LARP1B: variants seen among roughly 807,000 people sequenced by gnomAD.
LARP1B encodes La ribonucleoprotein 1B.
A neutral mutation model predicts 114.2 loss-of-function variants in LARP1B; 76 were observed. The ratio of observed to expected loss-of-function variants is 0.67; its 90% CI spans 0.55 to 0.81. LARP1B has a LOEUF of 0.81. LARP1B is among the 30% of genes least tolerant of loss of function. LARP1B has a pLI of 0.00. For synonymous variants in LARP1B, 345 were observed against 348.0 expected (o/e 0.99, Z 0.10); for missense variants, 1,014 against 1,075.8 (o/e 0.94, Z 0.80).
intron 11 of LARP1B, among the ~76,000 whole-genome samples, chr4:128,156,863 T>TAAAAAAA (rs56753518): frequency 6.2e-5 from 5 of 80,760 alleles, no homozygotes; most frequent in East Asian, 3.4e-4. Flanking sequence ...GGCTTGAAGC[T>TAAAAAAA]AAAAAAAAAA....
chr4:128,164,197 T>C (rs183974810), intron 12 of LARP1B, among the ~76,000 whole-genome samples: 1 of 152,160 alleles, frequency 6.6e-6, no homozygotes, highest in Non-Finnish European at 1.5e-5. Flanking sequence ...AACAATAACA[T>C]TAAATAATAA....
chr4:128,179,206 C>A, intron 14 of LARP1B, 200 bp from the exon 15 acceptor site: 1 of 406,238 alleles, frequency 2.5e-6, no homozygotes, highest in Non-Finnish European at 4.3e-6. Context: ...CTTTGTGTCA[C>A]AAACCTACCA....
At chr4:128,163,886 C>T (rs1399221721) in intron 12 of LARP1B, among the ~76,000 whole-genome samples, 1 of 152,036 alleles carries the variant, frequency 6.6e-6, no homozygotes, top group African/African-American at 2.4e-5. Flanking sequence ...TAATGTTTCC[C>T]ACCCCACAGA....
At chr4:128,213,134 T>C (rs988398413), downstream of LARP1B, among the ~76,000 whole-genome samples, 5 of 152,070 alleles carry the variant, frequency 3.3e-5, no homozygotes, top group Non-Finnish European at 5.9e-5. Flanking sequence ...GCTAGGCTGG[T>C]CTCGAACTAC....
chr4:128,073,624 T>C (rs1766582355), intron 1 of LARP1B, among the ~76,000 whole-genome samples: 1 of 114,776 alleles, frequency 8.7e-6, no homozygotes, highest in Admixed American at 1.1e-4. Flanking sequence ...AGAGTCTAGC[T>C]CTGTCGCCCC....
At chr4:128,106,626 C>G (rs1234568143) in intron 8 of LARP1B, among the ~76,000 whole-genome samples, 1 of 151,366 alleles carries the variant, frequency 6.6e-6, no homozygotes, top group Admixed American at 6.6e-5. Flanking sequence ...CTGGTGTTGT[C>G]TCATACTAGA....
intron 11 of LARP1B, among the ~76,000 whole-genome samples, chr4:128,130,151 G>A (rs959256681): frequency 6.6e-6 from 1 of 152,146 alleles, no homozygotes. Context: ...CCACGAGTTT[G>A]AGACCAGCCT....
intron 10 of LARP1B, among the ~76,000 whole-genome samples, chr4:128,118,323 C>T (rs1279558618): frequency 6.6e-6 from 1 of 150,762 alleles, no homozygotes; most frequent in Admixed American, 6.6e-5. Flanking sequence ...CCTTCACCTC[C>T]CGGGTTCATG....
At chr4:128,110,233 T>G (rs1783571761) in intron 9 of LARP1B, among the ~76,000 whole-genome samples, 1 of 152,144 alleles carries the variant, frequency 6.6e-6, no homozygotes, top group Middle Eastern at 3.2e-3. Flanking sequence ...GCAGCAAAGA[T>G]AAATTTTCTG....
In LARP1B at chr4:128,110,676, CAAAA is replaced by C. The variant is rs544129662; in HGVS notation, c.988+3377_988+3380del. On this transcript the variant is annotated intron_variant, in intron 9 of 19. Coordinates refer to ENST00000326639, the MANE Select transcript of LARP1B (RefSeq NM_018078.4). ...TGGGCGACAGAGCGAGACTCCGTCT[CAAAA>C]AAAAAAAAAAAAAGATGCAGCAGAC... Among the ~76,000 whole-genome samples the C allele has an allele frequency of 1.2e-4, 4 of 32,430 alleles. 1 individual carries two copies. The highest frequency in any genetic ancestry group is 1.9e-4 in the Non-Finnish European group (4 of 21,452). The allele number at this position is 32,430 out of a possible 152,430, so 21.3% of individuals were successfully genotyped here. A position where few individuals can be genotyped will look rare whatever the true frequency, so the allele number is the denominator to read the frequency against.
chr4:128,143,012 C>T (rs896485621), intron 11 of LARP1B, among the ~76,000 whole-genome samples: 2 of 151,890 alleles, frequency 1.3e-5, no homozygotes, highest in Non-Finnish European at 2.9e-5. Flanking sequence ...AGAGGCCAGG[C>T]ACGGTGGCTC....
intron 15 of LARP1B, among the ~76,000 whole-genome samples, chr4:128,185,796 C>G (rs955919604): frequency 6.6e-6 from 1 of 152,100 alleles, no homozygotes; most frequent in African/African-American, 2.4e-5. Flanking sequence ...CCAATATTTT[C>G]TTCTAGTAAT....
At chr4:128,178,225 A>C (rs1287928182) in intron 13 of LARP1B, among the ~76,000 whole-genome samples, 1 of 151,780 alleles carries the variant, frequency 6.6e-6, no homozygotes, top group Non-Finnish European at 1.5e-5. Flanking sequence ...TTAAAAGAAA[A>C]AAAGGTCATA....
intron 7 of LARP1B, among the ~76,000 whole-genome samples, chr4:128,093,537 A>C (rs1033318137): frequency 6.6e-6 from 1 of 151,676 alleles, no homozygotes; most frequent in African/African-American, 2.4e-5. Flanking sequence ...CAGAGCGTGC[A>C]GTGAGCCGAG....
chr4:128,074,239 A>C (rs1311677527), intron 1 of LARP1B, among the ~76,000 whole-genome samples: 1 of 152,084 alleles, frequency 6.6e-6, no homozygotes, highest in African/African-American at 2.4e-5. Context: ...CCCGCCCGGC[A>C]ACACTGTTAA....
intron 15 of LARP1B, among the ~76,000 whole-genome samples, chr4:128,183,124 T>C (rs978135117): frequency 4.6e-5 from 7 of 152,158 alleles, no homozygotes; most frequent in African/African-American, 1.7e-4. Context: ...AAGATCTAGC[T>C]AAGATAATAA....
intron 12 of LARP1B, among the ~76,000 whole-genome samples, chr4:128,168,331 A>G (rs1742051470): frequency 6.6e-6 from 1 of 151,716 alleles, no homozygotes; most frequent in African/African-American, 2.4e-5. Flanking sequence ...ATTGTGACTG[A>G]TGCTGTTGAG....
At chr4:128,156,091 T>G in intron 11 of LARP1B, 1 of 1,604,228 alleles carries the variant, frequency 6.2e-7, no homozygotes, top group Non-Finnish European at 8.5e-7. Context: ...CAGCCTGGTC[T>G]TCACCTACCC....
chr4:128,188,108 CTT>C (rs1271960101), intron 15 of LARP1B, among the ~76,000 whole-genome samples: 2 of 147,588 alleles, frequency 1.4e-5, no homozygotes, highest in Non-Finnish European at 3.0e-5. Flanking sequence ...GAGTTTTGCT[CTT>C]GTTGCCCAGG....
Sources: allele counts gnomAD v4.1 joint callset (sites outside exome capture counted in the v4.1 genomes callset), GRCh38; gene constraint gnomAD v4.1.1; transcripts MANE v1.5; gene names NCBI Gene and HGNC (gene_info 2026-07-23, HGNC 2026-07-21).